Variants in TACC2 observed in about 807,000 individuals in gnomAD.
TACC2 encodes transforming acidic coiled-coil containing protein 2.
In TACC2, 137 loss-of-function variants were observed where a neutral mutation model predicts 227.3. The ratio of observed to expected loss-of-function variants is 0.60; its 90% confidence interval spans 0.52 to 0.69. TACC2 has a LOEUF of 0.69. Ranked by LOEUF, TACC2 falls within the 30% of genes least tolerant of loss-of-function variation. TACC2 has a pLI of 0.00. For synonymous variants in TACC2, 1,523 were observed against 1,487.5 expected, an observed-to-expected ratio of 1.02 and a Z score of -0.55; for missense variants, 3,470 against 3,694.4, an observed-to-expected ratio of 0.94 and a Z score of 1.57.
intron 6 of TACC2, among the ~76,000 whole-genome samples, chr10:122,139,211 T>C (rs11200429): frequency 6.6e-6 from 1 of 152,192 alleles, no homozygotes; most frequent in Non-Finnish European, 1.5e-5. Flanking sequence ...GGGCTCTCTC[T>C]GTGAAGGTAA....
chr10:122,086,160 G>A lies in TACC2; in HGVS notation c.3660G>A (p.Lys1220=). The A allele has an allele frequency of 6.2e-7, 1 of 1,613,696 alleles. No homozygotes were observed. Among genetic ancestry groups the A allele is most frequent in the Non-Finnish European group, 8.5e-7 (1 of 1,179,994 alleles). ...CACACCAGGCTGTCCCAGACCCAAA[G>A]GAGCTCCTGCTGTCTGGGCCACCAG... ...FSTHQAVPDP[K]ELLLSGPPEV... Residue 1220 remains lysine (K), a synonymous_variant, in exon 4 of 23, where the codon AAG becomes AAA. Coordinates refer to ENST00000369005, the MANE Select transcript of TACC2 (RefSeq NM_206862.4).
At chr10:122,242,151 GC>G (rs2096010591) in intron 19 of TACC2, 150 bp downstream of exon 19, 1 of 749,562 alleles carries the variant, frequency 1.3e-6, no homozygotes. Flanking sequence ...ATATGGCTTT[GC>G]CCCAGGACAG....
At chr10:122,016,409 C>T (rs1185573374) in intron 1 of TACC2, among the ~76,000 whole-genome samples, 1 of 151,622 alleles carries the variant, frequency 6.6e-6, no homozygotes, top group African/African-American at 2.4e-5. Flanking sequence ...TCTACTAAAA[C>T]TACGAAAATT....
At chr10:122,033,151 C>T (rs755476481) in intron 2 of TACC2, 2 of 1,289,096 alleles carry the variant, frequency 1.6e-6, no homozygotes, top group South Asian at 1.2e-5. Flanking sequence ...TGAGCCCACA[C>T]AGGTACTGGG....
chr10:122,176,659 C>T (rs1011518285), intron 7 of TACC2, among the ~76,000 whole-genome samples: 1 of 152,116 alleles, frequency 6.6e-6, no homozygotes, highest in African/African-American at 2.4e-5. Flanking sequence ...TGATGTGGCC[C>T]TAGAAAGCCA....
At chr10:122,170,617 T>C (rs1317455625) in intron 7 of TACC2, among the ~76,000 whole-genome samples, 1 of 152,150 alleles carries the variant, frequency 6.6e-6, no homozygotes, top group Non-Finnish European at 1.5e-5. Flanking sequence ...AATCAAGTCT[T>C]ATCTTCACTT....
At chr10:122,039,611 A>G (rs1426143472) in intron 2 of TACC2, among the ~76,000 whole-genome samples, 1 of 152,210 alleles carries the variant, frequency 6.6e-6, no homozygotes, top group South Asian at 2.1e-4. Context: ...TAAGCACAAC[A>G]GGACCTCTCC....
chr10:122,102,645 G>A (rs1592026594), intron 5 of TACC2, among the ~76,000 whole-genome samples: 1 of 152,226 alleles, frequency 6.6e-6, no homozygotes, highest in Non-Finnish European at 1.5e-5. Context: ...CCAAGTTCAA[G>A]TGCAGGAGCA....
intron 11 of TACC2, among the ~76,000 whole-genome samples, chr10:122,219,466 C>T (rs961075426): frequency 2.0e-5 from 3 of 152,344 alleles, no homozygotes; most frequent in South Asian, 2.1e-4. Context: ...GCACCCTCAA[C>T]GTCGTAGGGG....
At chr10:122,027,355 AGT>A (rs1418891965) in intron 2 of TACC2, among the ~76,000 whole-genome samples, 2 of 152,076 alleles carry the variant, frequency 1.3e-5, no homozygotes, top group Non-Finnish European at 2.9e-5. Flanking sequence ...TTTTGGATAA[AGT>A]GTGCCTTTTG....
rs1370719351 is a variant in TACC2 at position 122,028,880 on chromosome 10, TC to T, written c.33+6869del. On this transcript the variant is annotated intron_variant, in intron 2 of 22. Transcript: ENST00000369005. ...CCTCTCCCCTCCCCTTCCCTTCCCT[TC>T]CCTCCGCTCCCCTCCCCTCCTCTCC... Among the ~76,000 whole-genome samples, 13 of 19,664 alleles carry T rather than the reference TC, an allele frequency of 6.6e-4. 1 individual carries two copies. Among genetic ancestry groups the T allele is most frequent in the African/African-American group, 1.5e-3 (8 of 5,198 alleles). The allele number at this position is 19,664 out of a possible 152,430, so 12.9% of individuals were successfully genotyped here.
At position 122,184,092 on chromosome 10, in the gene TACC2, C is replaced by T. The variant is rs527999127; in HGVS notation, c.5835-10948C>T. Among the ~76,000 whole-genome samples, 476 of 152,276 alleles carry T rather than the reference C, an allele frequency of 3.1e-3. 2 individuals carry two copies. Among genetic ancestry groups the T allele is most frequent in the African/African-American group, 0.011 (451 of 41,568 alleles). ...ACGGTAACATGTCAGCTGAGGTGAG[C>T]GGCCGTGGGGTTATTCCCATTCCTG... On this transcript the variant is annotated intron_variant, in intron 7 of 22. Transcript: ENST00000369005.
chr10:122,248,471 T>C (rs2096179185), intron 19 of TACC2, 172 bp from the exon 20 acceptor site: 2 of 726,130 alleles, frequency 2.8e-6, no homozygotes, highest in African/African-American at 3.6e-5. Flanking sequence ...GTTTTTGTTC[T>C]GTTAGAGACA....
intron 5 of TACC2, among the ~76,000 whole-genome samples, chr10:122,103,417 G>T (rs1032210613): frequency 6.6e-6 from 1 of 152,226 alleles, no homozygotes; most frequent in Non-Finnish European, 1.5e-5. Flanking sequence ...CTCATTAAGA[G>T]AATTAAGGCA....
intron 2 of TACC2, among the ~76,000 whole-genome samples, chr10:122,046,141 C>T (rs1004673613): frequency 2.6e-5 from 4 of 151,142 alleles, no homozygotes; most frequent in Admixed American, 1.3e-4. Context: ...CGCCATTGCA[C>T]TCCAGCCTGG....
Position 122,135,297 on chromosome 10 carries a change from T to C in TACC2, c.5699+2563T>C, listed in dbSNP as rs1004839922. ...TGGTCTCTCTCTAGTCCAAGGAAGG[T>C]AATGCATTAGGTAATGCAGCTGTGT... On this transcript the variant is annotated intron_variant, in intron 6 of 22. Coordinates refer to ENST00000369005, the MANE Select transcript of TACC2 (RefSeq NM_206862.4). Among the ~76,000 whole-genome samples the C allele has an allele frequency of 3.3e-5, 5 of 152,080 alleles. No individual in the cohort carries two copies. The South Asian group carries it at 1.0e-3, about 32-fold the overall frequency.
rs776962329 is a variant in TACC2 at position 122,227,934 on chromosome 10, C to G, written c.7822C>G (p.Gln2608Glu). ...GLAPNQESHL[Q>E]VPEKSSQKEL... ...GGCCCCTAACCAAGAGTCACACTTGCAGGTGCCAGAGAAATCCTCCCAGAA... is the reference window on the plus strand; with the variant it reads ...GGCCCCTAACCAAGAGTCACACTTGGAGGTGCCAGAGAAATCCTCCCAGAA... Residue 2608 changes from glutamine (Q) to glutamate (E), a missense_variant, in exon 14 of 23, where the codon CAG becomes GAG. Gln to Glu is a conservative substitution (Grantham distance 29). Transcript: ENST00000369005. The G allele has an allele frequency of 2.5e-6, 4 of 1,614,232 alleles. No homozygotes were observed. The South Asian group carries it at 3.3e-5, about 13-fold the overall frequency.
At position 122,086,625 on chromosome 10, in the gene TACC2, G is replaced by A. The variant is rs375410376; in HGVS notation, c.4125G>A (p.Glu1375=). ...CAGGAGAGACAGAGGGCAGCATGGAGAGGATGGGAGAGCCTTCCCAGGACC... is the reference window on the plus strand; with the variant it reads ...CAGGAGAGACAGAGGGCAGCATGGAAAGGATGGGAGAGCCTTCCCAGGACC... ...DAAGETEGSM[E]RMGEPSQDPK... is the part of the protein sequence containing the mutation. Residue 1375 remains glutamate (E), a synonymous_variant, in exon 4 of 23, where the codon GAG becomes GAA. Coordinates refer to ENST00000369005, the MANE Select transcript of TACC2 (RefSeq NM_206862.4). 1.5e-5 allele frequency: 24 copies of A among 1,600,436 alleles called. No homozygotes were observed. The African/African-American group carries it at 3.2e-4, about 21-fold the overall frequency.
intron 1 of TACC2, among the ~76,000 whole-genome samples, chr10:122,008,268 T>TATTGTTATTTTATTTTA (rs61230073): frequency 1.5e-4 from 23 of 149,816 alleles, no homozygotes; most frequent in African/African-American, 4.9e-4. Flanking sequence ...ATTATTATTT[T>TATTGTTATTTTATTTTA]TTTTTTTTGA....
Sources: allele counts gnomAD v4.1 joint callset (sites outside exome capture counted in the v4.1 genomes callset), GRCh38; gene constraint gnomAD v4.1.1; transcripts MANE v1.5; gene names NCBI Gene and HGNC (gene_info 2026-07-23, HGNC 2026-07-21).